The following ALG12 variants were observed in gnomAD, a reference collection of about 807,000 sequenced individuals.
ALG12 encodes the protein dol-P-Man:Man(7)GlcNAc(2)-PP-Dol alpha-1,6-mannosyltransferase.
In ALG12, 36 loss-of-function variants were observed where a neutral mutation model predicts 46.0. The ratio of observed to expected loss-of-function variants is 0.78; its 90% CI spans 0.60 to 1.03. The LOEUF (loss-of-function observed/expected upper bound fraction) is 1.03. Among genes scored for constraint, ALG12 ranks in the 50% least tolerant of loss-of-function variants. ALG12 has a pLI of 0.00. For synonymous variants in ALG12, 326 were observed against 291.6 expected (o/e 1.12, Z -1.20); for missense variants, 599 against 633.5 (o/e 0.95, Z 0.58).
At chr22:49,879,552 C>T in the ALG12 span, among the ~76,000 whole-genome samples, 3 of 148,694 alleles carry the variant, frequency 2.0e-5, no homozygotes, top group Non-Finnish European at 3.0e-5. Context: ...GTCTTATGTC[C>T]GGGCCTGTTT....
intron 3 of ALG12, among the ~76,000 whole-genome samples, chr22:49,912,221 G>T (rs796718378): frequency 1.3e-5 from 2 of 152,198 alleles, no homozygotes; most frequent in Admixed American, 1.3e-4. Context: ...CAGGGGCTGG[G>T]GGGGGCACTA....
At chr22:49,907,645 C>T in intron 7 of ALG12, 76 bp downstream of exon 7, 1 of 1,482,914 alleles carries the variant, frequency 6.7e-7, no homozygotes, top group Non-Finnish European at 9.2e-7. Flanking sequence ...CACACACATA[C>T]ATCCCCCCAA....
At chr22:49,909,803 T>C (rs948949123) in intron 5 of ALG12, 91 bp downstream of exon 5, 3 of 1,529,424 alleles carry the variant, frequency 2.0e-6, no homozygotes, top group East Asian at 4.5e-5. Flanking sequence ...TTTTATTTCA[T>C]GGGGATGAAA....
rs2060516916 is a variant in ALG12, at chr22:49,902,461, TGTGTGC to T, written c.*1371_*1376del. 6.9e-6 allele frequency: 1 copy of T among 145,548 alleles called. No individual in the cohort carries two copies. The highest frequency in any genetic ancestry group is 1.5e-5 in the Non-Finnish European group (1 of 66,746). 9.0% of individuals were successfully genotyped at this position (145,548 alleles called of 1,614,324 possible). On this transcript the variant is annotated 3_prime_UTR_variant, in exon 10 of 10. Transcript: ENST00000330817. Reference sequence around the variant, plus strand: ...GCACGTGTGCACTGTGTATGCATGGTGTGTGCACGTGTGCACTGTGTGGTGTGTATG... The same window carrying T: ...GCACGTGTGCACTGTGTATGCATGGTACGTGTGCACTGTGTGGTGTGTATG...
rs2060502981 is a variant in ALG12 at position 49,901,185 on chromosome 22, G to A, written c.*2653C>T. 6.6e-6 allele frequency: 1 copy of A among 152,298 alleles called. No homozygotes were observed. The highest frequency in any genetic ancestry group is 1.5e-5 in the Non-Finnish European group (1 of 68,070). The allele number at this position is 152,298 out of a possible 1,614,324, so 9.4% of individuals were successfully genotyped here. ...GCCAGCGATAAAAGAGAACAAACGA[G>A]CGTGGATAACCAGTGAATACCTGAG... is the stretch of plus-strand genomic sequence containing the variant. On this transcript the variant is annotated 3_prime_UTR_variant, in exon 10 of 10. Coordinates refer to ENST00000330817, the MANE Select transcript of ALG12 (RefSeq NM_024105.4).
the ALG12 span, chr22:49,890,174 G>C: frequency 6.6e-6 from 1 of 152,272 alleles, no homozygotes; most frequent in African/African-American, 2.4e-5. Context: ...AGGTTTGGTA[G>C]TGCATGCCTG....
At chr22:49,890,338 A>C in the ALG12 span, among the ~76,000 whole-genome samples, 4 of 152,174 alleles carry the variant, frequency 2.6e-5, no homozygotes, top group African/African-American at 9.7e-5. Flanking sequence ...ACAACAAAAC[A>C]ACATTTTTAT....
At chr22:49,886,833 C>G in the ALG12 span, 1 of 1,613,934 alleles carries the variant, frequency 6.2e-7, no homozygotes, top group Non-Finnish European at 8.5e-7. The surrounding 1 kb of genome is among the most constrained non-coding windows in gnomAD (Gnocchi z 7.7). Context: ...CGTCGAAAGA[C>G]TCTGCCGCAG....
intron 1 of ALG12, among the ~76,000 whole-genome samples, chr22:49,914,760 G>A (rs1289396987): frequency 6.6e-6 from 1 of 152,230 alleles, no homozygotes; most frequent in African/African-American, 2.4e-5. Context: ...TTAAGAGACA[G>A]CGTCTTACTC....
the ALG12 span, among the ~76,000 whole-genome samples, chr22:49,873,300 A>G: frequency 6.6e-6 from 1 of 152,340 alleles, no homozygotes; most frequent in East Asian, 1.9e-4. Context: ...TAGAGGATTA[A>G]TCGGCCTAAT....
the ALG12 span, among the ~76,000 whole-genome samples, chr22:49,881,083 G>C: frequency 0.8 from 121,469 of 152,030 alleles, 48,705 homozygotes; most frequent in East Asian, 0.91. Flanking sequence ...CAGTGGCTCA[G>C]GCCTGTAAAC....
rs191007075 is a variant in ALG12 at position 49,905,710 on chromosome 22, A to C, written c.993-1204T>G. Among the ~76,000 whole-genome samples, 330 of 152,274 alleles carry C rather than the reference A, an allele frequency of 2.2e-3. 2 individuals are homozygous for C. Among genetic ancestry groups the C allele is most frequent in the African/African-American group, 7.6e-3 (317 of 41,558 alleles). ...ACCACGCTTCCCGTACAGCCTGCGG[A>C]ACCGCGAGCCAATGAAGCCTCCTCT... On this transcript the variant is annotated intron_variant, in intron 7 of 9. Transcript: ENST00000330817. This position sits in a 1 kb window ranked among gnomAD's most constrained non-coding sequence, Gnocchi z 4.9.
downstream of ALG12, among the ~76,000 whole-genome samples, chr22:49,898,964 A>G (rs1341109325): frequency 1.3e-5 from 2 of 152,116 alleles, no homozygotes; most frequent in Non-Finnish European, 2.9e-5. Context: ...TAGACAAAAA[A>G]AAAAATTGAT....
chr22:49,909,670 G>A (rs1374194758), intron 5 of ALG12, among the ~76,000 whole-genome samples: 2 of 152,236 alleles, frequency 1.3e-5, no homozygotes, highest in African/African-American at 4.8e-5. Context: ...GCCTCCCCCA[G>A]CCCAAGGACA....
the ALG12 span, among the ~76,000 whole-genome samples, chr22:49,895,083 C>T: frequency 1.3e-5 from 2 of 152,186 alleles, 1 homozygote; most frequent in Non-Finnish European, 2.9e-5. Context: ...CCAGGTGACA[C>T]CATGCTGTAC....
chr22:49,864,207 C>T, the ALG12 span, among the ~76,000 whole-genome samples: 8 of 152,194 alleles, frequency 5.3e-5, no homozygotes, highest in African/African-American at 1.7e-4. Context: ...TTTAATCTTA[C>T]GTCTCCGTCC....
chr22:49,904,646 G>A, intron 7 of ALG12, 140 bp from the exon 8 acceptor site: 1 of 961,448 alleles, frequency 1.0e-6, no homozygotes, highest in Non-Finnish European at 1.6e-6. Context: ...ATAAAACAGA[G>A]TCAGTAACCC....
intron 1 of ALG12, among the ~76,000 whole-genome samples, chr22:49,915,635 G>C (rs932088349): frequency 7.2e-5 from 11 of 152,190 alleles, no homozygotes; most frequent in African/African-American, 2.7e-4. Flanking sequence ...GAAGGACTAG[G>C]TTAGGAATCA....
the ALG12 span, chr22:49,886,762 G>A: frequency 7.1e-5 from 115 of 1,612,310 alleles, no homozygotes; most frequent in Middle Eastern, 1.6e-4. The surrounding 1 kb of genome is among the most constrained non-coding windows in gnomAD (Gnocchi z 7.7). Flanking sequence ...CAGGGAACTC[G>A]AACTCATGAA....
Sources: gnomAD v4.1 joint callset for allele counts (sites outside exome capture counted in the v4.1 genomes callset) on GRCh38, gnomAD v4.1.1 for gene constraint, Gnocchi (gnomAD v3.1) non-coding constraint, MANE v1.5 for transcripts, NCBI Gene and HGNC (gene_info 2026-07-23, HGNC 2026-07-21) for gene names.